The following FAN1 variants were observed in gnomAD, a reference collection of about 807,000 sequenced individuals.
FAN1 encodes the protein fanconi-associated nuclease 1.
A neutral mutation model predicts 104.9 loss-of-function variants in FAN1; 91 were observed. The ratio of observed to expected loss-of-function variants is 0.87; its 90% confidence interval spans 0.73 to 1.03. The LOEUF is 1.03. FAN1 is among the 50% of genes least tolerant of loss of function. The pLI is 0.00. For synonymous variants in FAN1, 478 were observed against 457.6 expected (o/e 1.04, Z -0.57); for missense variants, 1,263 against 1,239.9 (o/e 1.02, Z -0.28).
In FAN1 at chr15:30,905,904, T is replaced by TA. The variant is rs766348777; in HGVS notation, c.1234+8dup. The TA allele has an allele frequency of 3.7e-6, 6 of 1,604,574 alleles. No homozygotes were observed. The highest frequency in any genetic ancestry group is 2.2e-5 in the East Asian group (1 of 44,786). ...AAATTTTATCAGTTATCAGGTATCT[T>TA]ACGCACGTGTTTGTTTTCAAGTTTT... is the stretch of plus-strand genomic sequence containing the variant. On this transcript the variant is annotated splice_region_variant and intron_variant, in intron 2 of 14. Transcript: ENST00000362065.
intron 5 of FAN1, among the ~76,000 whole-genome samples, chr15:30,917,249 A>G (rs1357512628): frequency 2.0e-5 from 3 of 152,008 alleles, no homozygotes; most frequent in African/African-American, 4.8e-5. Context: ...TTGGTGCTGG[A>G]GGCGTCAGTG....
intron 5 of FAN1, among the ~76,000 whole-genome samples, chr15:30,916,175 T>C (rs1294396326): frequency 2.0e-5 from 3 of 152,226 alleles, no homozygotes; most frequent in African/African-American, 7.2e-5. Context: ...ATATCTTTTT[T>C]ACCTTTTTTG....
chr15:30,905,388 A>G lies in FAN1; in HGVS notation c.725A>G (p.Gln242Arg). Residue 242 changes from glutamine (Q) to arginine (R), a missense_variant, in exon 2 of 15, where the codon CAA becomes CGA. This residue lies in a region of FAN1 where 682 missense variants were observed against 571.1 expected (regional missense o/e 1.19). Transcript: ENST00000362065. ...RGSKIMEAES[Q>R]KATRECEKSA... ...AGTAAAATAATGGAAGCCGAAAGCC[A>G]AAAGGCTACCCGGGAATGTGAGAAA... The G allele has an allele frequency of 6.2e-7, 1 of 1,613,986 alleles. No individual in the cohort carries two copies. Among genetic ancestry groups the G allele is most frequent in the Non-Finnish European group, 8.5e-7 (1 of 1,179,906 alleles).
intron 13 of FAN1, among the ~76,000 whole-genome samples, chr15:30,935,316 AG>A (rs1171408411): frequency 6.6e-5 from 10 of 152,150 alleles, no homozygotes; most frequent in African/African-American, 2.4e-4. Context: ...TCAAAAAAAA[AG>A]AAAAAAAGAA....
intron 2 of FAN1, 25 bp downstream of exon 2, chr15:30,905,922 C>A: frequency 6.3e-7 from 1 of 1,589,906 alleles, no homozygotes; most frequent in Non-Finnish European, 8.6e-7. Flanking sequence ...TGTTTGTTTT[C>A]AAGTTTTCAT....
At chr15:30,921,867 T>C (rs2062339477) in intron 7 of FAN1, among the ~76,000 whole-genome samples, 1 of 152,222 alleles carries the variant, frequency 6.6e-6, no homozygotes, top group Non-Finnish European at 1.5e-5. Context: ...TCCTGTGACC[T>C]GCTGTGTTCC....
chr15:30,926,257 C>T (rs1430627575), intron 10 of FAN1, among the ~76,000 whole-genome samples: 1 of 152,238 alleles, frequency 6.6e-6, no homozygotes, highest in Admixed American at 6.5e-5. Context: ...CACTTCCATT[C>T]AGTGTTCCTT....
At chr15:30,928,506 T>TTTTGTG (rs143970863) in intron 10 of FAN1, 47 bp from the exon 11 acceptor site, 12 of 1,484,624 alleles carry the variant, frequency 8.1e-6, no homozygotes, top group South Asian at 5.3e-5. Context: ...AAAACAGATT[T>TTTTGTG]TGTGTGTGTG....
chr15:30,928,254 G>A, intron 10 of FAN1: 2 of 1,143,468 alleles, frequency 1.7e-6, no homozygotes, highest in Non-Finnish European at 1.1e-6. Context: ...TTTTAAACAT[G>A]TTTCTTAGGT....
chr15:30,941,876 C>T lies in FAN1; in HGVS notation c.*314C>T, dbSNP rs745578314. The T allele has an allele frequency of 1.7e-5, 27 of 1,613,924 alleles. No homozygotes were observed. The East Asian group carries it at 5.6e-4, about 33-fold the overall frequency. The stretch of plus-strand genomic sequence containing the variant: ...TCCAGAGACACGTGGCAGAATAACA[C>T]CGTGCAGGTTGGCGGGTTTGGAAAA... On this transcript the variant is annotated 3_prime_UTR_variant, in exon 15 of 15. Coordinates refer to ENST00000362065, the MANE Select transcript of FAN1 (RefSeq NM_014967.5).
rs537551224 is a variant in FAN1 at position 30,928,728 on chromosome 15, G to A, written c.2592+72G>A. On this transcript the variant is annotated intron_variant, in intron 11 of 14. Coordinates refer to ENST00000362065, the MANE Select transcript of FAN1 (RefSeq NM_014967.5). ...CGTGGCTCACGCCCACCTGGGCACC[G>A]TGTGTCCACAGCCAGCAGAAACCAT... The A allele has an allele frequency of 4.0e-4, 649 of 1,604,286 alleles. 6 individuals are homozygous for A. The South Asian group carries it at 6.7e-3, about 16-fold the overall frequency.
At chr15:30,930,198 G>C (rs1247592331) in intron 12 of FAN1, among the ~76,000 whole-genome samples, 1 of 151,698 alleles carries the variant, frequency 6.6e-6, no homozygotes, top group Non-Finnish European at 1.5e-5. Flanking sequence ...AGGCAGGGAG[G>C]ATACCTTCTG....
chr15:30,932,551 G>C (rs1000517937), intron 13 of FAN1, among the ~76,000 whole-genome samples: 1 of 151,960 alleles, frequency 6.6e-6, no homozygotes, highest in Non-Finnish European at 1.5e-5. Context: ...GGAGATTTTG[G>C]GGGGAGGAAA....
At position 30,905,696 on chromosome 15, in the gene FAN1, A is replaced by G; in HGVS notation, c.1033A>G (p.Ser345Gly). Residue 345 changes from serine (S) to glycine (G), a missense_variant, in exon 2 of 15, where the codon AGT becomes GGT. Transcript: ENST00000362065. ...CCAAGAGGCTCCTCTGCAGGATGAC[A>G]GTTGCTTAAACAATGATATCCCTCA... The part of the protein sequence containing the change: ...NIQEAPLQDD[S>G]CLNNDIPHSI... 11 of 1,614,194 alleles carry G rather than the reference A, an allele frequency of 6.8e-6. No individual in the cohort carries two copies. Among genetic ancestry groups the G allele is most frequent in the Non-Finnish European group, 9.3e-6 (11 of 1,180,014 alleles).
intron 8 of FAN1, among the ~76,000 whole-genome samples, chr15:30,922,578 C>T (rs1029158984): frequency 6.6e-6 from 1 of 152,002 alleles, no homozygotes; most frequent in Non-Finnish European, 1.5e-5. Flanking sequence ...TGCTGATTGG[C>T]GAGATGGGCT....
chr15:30,915,508 C>T (rs7171212), intron 5 of FAN1, among the ~76,000 whole-genome samples: 15,826 of 152,062 alleles, frequency 0.1, 901 homozygotes, highest in African/African-American at 0.15. Context: ...GCAACACATG[C>T]CTATATTTCT....
At chr15:30,924,449 C>T (rs1477827694) in intron 8 of FAN1, among the ~76,000 whole-genome samples, 1 of 152,198 alleles carries the variant, frequency 6.6e-6, no homozygotes, top group African/African-American at 2.4e-5. Flanking sequence ...ACATTCCCAC[C>T]AGCAATGCGT....
chr15:30,931,637 T>G (rs1016846632), intron 13 of FAN1, among the ~76,000 whole-genome samples: 1 of 152,256 alleles, frequency 6.6e-6, no homozygotes, highest in African/African-American at 2.4e-5. Context: ...ATTTGTGGTG[T>G]GTGGATATCC....
chr15:30,910,660 T>A lies in FAN1; in HGVS notation c.1422T>A (p.Ala474=), dbSNP rs749281376. The A allele has an allele frequency of 6.2e-7, 1 of 1,613,868 alleles. No individual in the cohort carries two copies. The highest frequency in any genetic ancestry group is 8.5e-7 in the Non-Finnish European group (1 of 1,179,850). The part of the protein sequence containing the change: ...ELSEVLELLS[A]PELKSLAKTF... ...CTGAAGTGCTTGAACTCCTTTCTGC[T>A]CCTGAACTAAAATCCCTAGCCAAGA... Residue 474 remains alanine, a synonymous_variant, in exon 4 of 15, where the codon GCT becomes GCA. Transcript: ENST00000362065.
Sources: allele counts gnomAD v4.1 joint callset (sites outside exome capture counted in the v4.1 genomes callset), GRCh38; gene constraint gnomAD v4.1.1; regional missense constraint gnomAD v4.1.1; transcripts MANE v1.5; gene names NCBI Gene and HGNC (gene_info 2026-07-23, HGNC 2026-07-21).